OSR1: variants seen among roughly 807,000 people sequenced by gnomAD.
OSR1 encodes the protein odd-skipped related transcription factor 1, also known as protein odd-skipped-related 1.
In OSR1, 3 loss-of-function variants were observed where a neutral mutation model predicts 15.7. The observed-to-expected ratio is 0.19, with a 90% CI of 0.09 to 0.50. The LOEUF is 0.50. OSR1 is among the 20% of genes least tolerant of loss of function. The probability of loss-of-function intolerance (pLI) is 0.97; values close to 1 mark genes in which losing one functional copy is unlikely to be tolerated. For synonymous variants in OSR1, 166 were observed against 152.7 expected (o/e 1.09, Z -0.64); for missense variants, 271 against 351.1 (o/e 0.77, Z 1.82).
chr2:19,358,062 C>T (rs1664986258), intron 1 of OSR1: 1 of 152,284 alleles, frequency 6.6e-6, no homozygotes, highest in Non-Finnish European at 1.5e-5. Context: ...GGCACCTCGC[C>T]CGTGATTCCG....
chr2:19,347,999 T>G (rs1664762389), downstream of OSR1, among the ~76,000 whole-genome samples: 1 of 152,248 alleles, frequency 6.6e-6, no homozygotes, highest in Admixed American at 6.5e-5. Context: ...GCCGTCAGCT[T>G]CCGGACTCCG....
At chr2:19,348,355 C>A, downstream of OSR1, 1 of 154,442 alleles carries the variant, frequency 6.5e-6, no homozygotes, top group South Asian at 1.9e-4. Flanking sequence ...TATGTTAGCC[C>A]GAGGCGGGGC....
chr2:19,353,238 G>C lies in OSR1; in HGVS notation c.568C>G (p.Leu190Val). 1 of 1,614,246 alleles carries C rather than the reference G, an allele frequency of 6.2e-7. No homozygotes were observed. The highest frequency in any genetic ancestry group is 8.5e-7 in the Non-Finnish European group (1 of 1,180,050). Residue 190 changes from leucine to valine, a missense_variant, in exon 2 of 3, where the codon CTA becomes GTA. Coordinates refer to ENST00000272223, the MANE Select transcript of OSR1 (RefSeq NM_145260.3). ...CGRHFTKSYN[L>V]LIHERTHTDE... ...GTGTGCGTCCGCTCATGGATAAGTA[G>C]GTTGTAGGACTTGGTGAAGTGGCGG...
rs1211515891 is a variant in OSR1, at chr2:19,353,814, T to C, written c.-9A>G. 9 of 1,603,082 alleles carry C rather than the reference T, an allele frequency of 5.6e-6. No homozygotes were observed. Among genetic ancestry groups the C allele is most frequent in the Non-Finnish European group, 7.7e-6 (9 of 1,173,434 alleles). On this transcript the variant is annotated 5_prime_UTR_variant, in exon 2 of 3. Coordinates refer to ENST00000272223, the MANE Select transcript of OSR1 (RefSeq NM_145260.3). ...AAGGTTTTGCTGCCCATTTCGGTAG[T>C]TGCAGTGGCTTCTCAATCCGGATCT...
intron 2 of OSR1, among the ~76,000 whole-genome samples, 192 bp from the exon 3 acceptor site, chr2:19,352,602 C>A (rs980487905): frequency 6.6e-6 from 1 of 152,102 alleles, no homozygotes; most frequent in African/African-American, 2.4e-5. Context: ...TTAGCAAAGT[C>A]TGATCCTTAA....
In OSR1 at chr2:19,356,946, G is replaced by A. The variant is rs551762963; in HGVS notation, c.-33+1395C>T. ...TAATGAGAACGGGAGCGAACTCCAC[G>A]AGTTTGCGCCTGGGGGAGCCCAGCA... On this transcript the variant is annotated intron_variant, in intron 1 of 2. Coordinates refer to ENST00000272223, the MANE Select transcript of OSR1 (RefSeq NM_145260.3). The A allele has an allele frequency of 5.3e-5, 8 of 152,366 alleles. No individual in the cohort carries two copies. The Middle Eastern group carries it at 0.014, about 259-fold the overall frequency. The allele number at this position is 152,366 out of a possible 1,614,324, so 9.4% of individuals were successfully genotyped here. A position where few individuals can be genotyped will look rare whatever the true frequency, so the allele number is the denominator to read the frequency against.
chr2:19,355,028 T>C (rs896573832), intron 1 of OSR1: 7 of 152,242 alleles, frequency 4.6e-5, no homozygotes, highest in Admixed American at 4.6e-4. Flanking sequence ...CGTGGAGACA[T>C]CTGAGCTCTG....
chr2:19,355,588 G>A (rs1213922495), intron 1 of OSR1: 6 of 152,382 alleles, frequency 3.9e-5, no homozygotes, highest in African/African-American at 1.4e-4. Flanking sequence ...AAGGAAAGAG[G>A]CCTTCCTGGG....
At position 19,352,311 on chromosome 2, in the gene OSR1, C is replaced by G; in HGVS notation, c.765G>C (p.Gln255His). The G allele has an allele frequency of 6.2e-7, 1 of 1,614,216 alleles. No individual in the cohort carries two copies. Residue 255 changes from glutamine to histidine, a missense_variant, in exon 3 of 3, where the codon CAG becomes CAC. This residue lies in a region of OSR1 where 21 missense variants were observed against 24.3 expected (regional missense o/e 0.86). Coordinates refer to ENST00000272223, the MANE Select transcript of OSR1 (RefSeq NM_145260.3). The stretch of plus-strand genomic sequence containing the variant: ...TCTTGGAGGTTTTGAGCTCCTTCAC[C>G]TGTGAGTGTAGCGTCTTGTGGACAG... ...TLAVHKTLHS[Q>H]VKELKTSKIK...
In OSR1 at chr2:19,357,943, C is replaced by T. The variant is rs1664983253; in HGVS notation, c.-33+398G>A. ...CACTCCCTCTCCCTTCCTTCTTCGT[C>T]AACCTGGGCGTCAGCCAGAGCTAGG... On this transcript the variant is annotated intron_variant, in intron 1 of 2. Coordinates refer to ENST00000272223, the MANE Select transcript of OSR1 (RefSeq NM_145260.3). This position sits in a 1 kb window ranked among gnomAD's most constrained non-coding sequence, Gnocchi z 5.0. 6.6e-6 allele frequency: 1 copy of T among 152,340 alleles called. No individual in the cohort carries two copies. The highest frequency in any genetic ancestry group is 6.5e-5 in the Admixed American group (1 of 15,292). 9.4% of individuals were successfully genotyped at this position (152,340 alleles called of 1,614,324 possible).
rs1164141110 is a variant in OSR1, at chr2:19,353,375, G to T, written c.431C>A (p.Ala144Glu). 3 of 1,614,188 alleles carry T rather than the reference G, an allele frequency of 1.9e-6. No individual in the cohort carries two copies. The highest frequency in any genetic ancestry group is 2.2e-5 in the South Asian group (2 of 91,088). ...LGRGEGPGSP[A>E]GGLGALLDVT... ...GTCGAGGAGGGCACCCAGCCCACCT[G>T]CAGGGGAGCCTGGGCCCTCCCCGCG... is the stretch of plus-strand genomic sequence containing the variant. The change falls in exon 2 of 3, where the codon GCA (alanine) becomes GAA (glutamate). Residue 144 changes from alanine to glutamate, a missense_variant. This residue lies in a region of OSR1 where 210 missense variants were observed against 218.4 expected (regional missense o/e 0.96). Transcript: ENST00000272223.
chr2:19,350,854 G>A (rs1271474436), downstream of OSR1, among the ~76,000 whole-genome samples: 1 of 152,166 alleles, frequency 6.6e-6, no homozygotes, highest in Non-Finnish European at 1.5e-5. Flanking sequence ...ATCTTCGCGG[G>A]TGCAGAGCCT....
At position 19,352,088 on chromosome 2, in the gene OSR1, AC is replaced by A; in HGVS notation, c.*186del. 2 of 552,662 alleles carry A rather than the reference AC, an allele frequency of 3.6e-6. No homozygotes were observed. The highest frequency in any genetic ancestry group is 6.2e-6 in the Non-Finnish European group (2 of 324,584). The allele number at this position is 552,662 out of a possible 1,614,324, so 34.2% of individuals were successfully genotyped here. ...GCCGCGTCCTAGGGGAGCAGCAGGG[AC>A]GGTCGGGGTCGCGGCCCCGGGCGGG... is the stretch of plus-strand genomic sequence containing the variant. On this transcript the variant is annotated 3_prime_UTR_variant, in exon 3 of 3. Transcript: ENST00000272223.
In OSR1 at chr2:19,353,281, G is replaced by A. The variant is rs763783951; in HGVS notation, c.525C>T (p.Phe175=). The A allele has an allele frequency of 6.2e-7, 1 of 1,614,220 alleles. No individual in the cohort carries two copies. Among genetic ancestry groups the A allele is most frequent in the Non-Finnish European group, 8.5e-7 (1 of 1,180,052 alleles). ...GRLPSKTKKE[F]VCKFCGRHFT... is the part of the protein sequence containing the mutation. The stretch of plus-strand genomic sequence containing the variant: ...AGTGGCGGCCACAGAACTTGCAGAC[G>A]AATTCCTTCTTGGTCTTGGAAGGCA... The change falls in exon 2 of 3, where the codon TTC becomes TTT. Residue 175 remains phenylalanine, a synonymous_variant. Coordinates refer to ENST00000272223, the MANE Select transcript of OSR1 (RefSeq NM_145260.3).
In OSR1 at chr2:19,352,145, A is replaced by T; in HGVS notation, c.*130T>A. 9.3e-7 allele frequency: 1 copy of T among 1,070,630 alleles called. No homozygotes were observed. The highest frequency in any genetic ancestry group is 1.8e-5 in the South Asian group (1 of 55,528). 66.3% of individuals were successfully genotyped at this position (1,070,630 alleles called of 1,614,324 possible). A position where few individuals can be genotyped will look rare whatever the true frequency, so the allele number is the denominator to read the frequency against. On this transcript the variant is annotated 3_prime_UTR_variant, in exon 3 of 3. Transcript: ENST00000272223. ...GAAGTGCCGCGTGCGCCAGGGACCC[A>T]GGGGACAATGTTGGAGAGGTGGAAG...
intron 1 of OSR1, chr2:19,354,370 A>G (rs1031000510): frequency 6.6e-6 from 1 of 152,454 alleles, no homozygotes; most frequent in Admixed American, 6.6e-5. Flanking sequence ...CTTTAAAAAA[A>G]TGCAGGAACC....
intron 2 of OSR1, among the ~76,000 whole-genome samples, chr2:19,352,923 A>G (rs1042177994): frequency 9.9e-5 from 15 of 152,126 alleles, no homozygotes; most frequent in African/African-American, 3.6e-4. Flanking sequence ...GCTCACGGAG[A>G]CCTCACTTAA....
chr2:19,353,053 A>T, intron 2 of OSR1, 88 bp downstream of exon 2: 1 of 1,465,726 alleles, frequency 6.8e-7, no homozygotes, highest in East Asian at 2.3e-5. Context: ...GCTTGGAGCC[A>T]GTAGGGGGTC....
At chr2:19,348,199 A>G (rs1409833742), downstream of OSR1, among the ~76,000 whole-genome samples, 1 of 152,092 alleles carries the variant, frequency 6.6e-6, no homozygotes, top group East Asian at 2.0e-4. Flanking sequence ...TGATTCAAGA[A>G]GAGGACGCTG....
Sources: gnomAD v4.1 joint callset for allele counts (sites outside exome capture counted in the v4.1 genomes callset) on GRCh38, gnomAD v4.1.1 for gene constraint, gnomAD v4.1.1 regional missense constraint, Gnocchi (gnomAD v3.1) non-coding constraint, MANE v1.5 for transcripts, NCBI Gene and HGNC (gene_info 2026-07-23, HGNC 2026-07-21) for gene names.